The following RANBP3L variants were observed in gnomAD, a reference collection of about 807,000 sequenced individuals.
RANBP3L encodes the protein ran-binding protein 3-like.
RANBP3L carries 56 observed loss-of-function variants against 67.2 expected under a neutral mutation model. That is an observed-to-expected ratio of 0.83 (90% CI 0.67 to 1.04). The LOEUF is 1.04. Among genes scored for constraint, RANBP3L ranks in the 50% least tolerant of loss-of-function variants. RANBP3L has a pLI of 0.00. For missense variants in RANBP3L, 496 were observed against 535.5 expected (o/e 0.93, Z 0.73); for synonymous variants, 164 against 181.4 (o/e 0.90, Z 0.77).
chr5:36,289,792 T>G lies in RANBP3L; in HGVS notation c.91+11534A>C, dbSNP rs187261991. Reference sequence around the variant, plus strand: ...ATTTTTTGATAGATTTCTCAGGATTTTTCTACAAATACCATCAATCATCTG... The same window carrying G: ...ATTTTTTGATAGATTTCTCAGGATTGTTCTACAAATACCATCAATCATCTG... On this transcript the variant is annotated intron_variant, in intron 1 of 13. Transcript: ENST00000296604. 5.9e-5 allele frequency among the ~76,000 whole-genome samples: 9 copies of G among 152,196 alleles called. No individual in the cohort carries two copies. In the East Asian group the frequency reaches 1.7e-3, roughly 29 times the overall value.
intron 1 of RANBP3L, among the ~76,000 whole-genome samples, chr5:36,280,422 G>A (rs1750892472): frequency 6.6e-6 from 1 of 151,994 alleles, no homozygotes; most frequent in Non-Finnish European, 1.5e-5. Context: ...AAGAAACTGG[G>A]GATCTTCAGC....
intron 1 of RANBP3L, among the ~76,000 whole-genome samples, chr5:36,295,692 T>TC (rs1189647153): frequency 3.1e-4 from 42 of 133,416 alleles, no homozygotes; most frequent in Admixed American, 2.4e-3. Flanking sequence ...TTTTTTTTTT[T>TC]CAAATAGTAG....
At chr5:36,290,230 T>TA (rs1751627689) in intron 1 of RANBP3L, among the ~76,000 whole-genome samples, 1 of 151,170 alleles carries the variant, frequency 6.6e-6, no homozygotes, top group Non-Finnish European at 1.5e-5. Context: ...TCACCTTTTT[T>TA]TTTTTTTCTT....
At chr5:36,292,217 C>T (rs1025919895) in intron 1 of RANBP3L, among the ~76,000 whole-genome samples, 1 of 152,058 alleles carries the variant, frequency 6.6e-6, no homozygotes, top group Non-Finnish European at 1.5e-5. Flanking sequence ...AGTGTCTGTT[C>T]ATGTCCTTCA....
Position 36,260,781 on chromosome 5 carries a change from A to G in RANBP3L, c.668T>C (p.Leu223Ser). Reference protein sequence around the residue: ...VFGENMVERVLGTQKLTQPQL... With the variant: ...VFGENMVERVSGTQKLTQPQL... Reference sequence around the variant, plus strand: ...TAGAAACATATACCAAAATCTTACCAAAACTCTTTCTACCATGTTTTCTCC... The same window carrying G: ...TAGAAACATATACCAAAATCTTACCGAAACTCTTTCTACCATGTTTTCTCC... Residue 223 changes from leucine to serine, a missense_variant and splice_region_variant, in exon 8 of 14, where the codon TTG becomes TCG. Leu to Ser is a moderately radical substitution (Grantham distance 145). Transcript: ENST00000296604. The G allele has an allele frequency of 1.4e-6, 2 of 1,471,944 alleles. No homozygotes were observed. The highest frequency in any genetic ancestry group is 2.3e-5 in the East Asian group (1 of 43,944). 91.2% of individuals were successfully genotyped at this position (1,471,944 alleles called of 1,614,324 possible).
chr5:36,270,876 C>T (rs866468529), intron 2 of RANBP3L, among the ~76,000 whole-genome samples: 13 of 152,148 alleles, frequency 8.5e-5, no homozygotes, highest in Admixed American at 7.2e-4. Flanking sequence ...CAGAAGATCC[C>T]TTTTAAATCA....
rs758240383 is a variant in RANBP3L at position 36,265,055 on chromosome 5, C to T, written c.384G>A (p.Leu128=). The change falls in exon 6 of 14, where the codon TTG becomes TTA. Residue 128 remains leucine (L), a synonymous_variant. Coordinates refer to ENST00000296604, the MANE Select transcript of RANBP3L (RefSeq NM_145000.5). ...HSKHVIRPAI[L]QLPQARSCAK... ...CACAACTTCGAGCTTGAGGTAGCTGCAAAATAGCAGGTCTAATAACATGTT... is the reference window on the plus strand; with the variant it reads ...CACAACTTCGAGCTTGAGGTAGCTGTAAAATAGCAGGTCTAATAACATGTT... 1.9e-6 allele frequency: 3 copies of T among 1,612,070 alleles called. No individual in the cohort carries two copies. The highest frequency in any genetic ancestry group is 3.3e-5 in the Admixed American group (2 of 59,990).
At chr5:36,282,745 C>T (rs763357198) in intron 1 of RANBP3L, among the ~76,000 whole-genome samples, 90 of 152,250 alleles carry the variant, frequency 5.9e-4, no homozygotes, top group Non-Finnish European at 1.1e-3. Flanking sequence ...ATCCAAAGCC[C>T]GACTAGCCCA....
chr5:36,301,453 G>C lies in RANBP3L; in HGVS notation c.-37C>G, dbSNP rs1217634375. 3 of 1,525,692 alleles carry C rather than the reference G, an allele frequency of 2.0e-6. No homozygotes were observed. The Admixed American group carries it at 5.0e-5, about 26-fold the overall frequency. 94.5% of individuals were successfully genotyped at this position (1,525,692 alleles called of 1,614,324 possible). A position where few individuals can be genotyped will look rare whatever the true frequency, so the allele number is the denominator to read the frequency against. On this transcript the variant is annotated 5_prime_UTR_variant, in exon 1 of 14. Coordinates refer to ENST00000296604, the MANE Select transcript of RANBP3L (RefSeq NM_145000.5). ...TATGGCTGTGACTCAAGGATCACTA[G>C]GGCACCTCCTTCTCTGGCCAGTCAC...
chr5:36,261,958 A>C lies in RANBP3L; in HGVS notation c.565T>G (p.Leu189Val). Residue 189 changes from leucine to valine, a missense_variant, in exon 7 of 14, where the codon TTA becomes GTA. By Grantham distance (32) the Leu-to-Val change is conservative. Transcript: ENST00000296604. ...SVQLSTNQDF[L>V]GATSVGCQPN... The stretch of plus-strand genomic sequence containing the variant: ...ACTTACCCTACTGATGTTGCACCTA[A>C]AAAGTCCTGGTTAGTAGACAGCTGG... 6.3e-7 allele frequency: 1 copy of C among 1,580,646 alleles called. No homozygotes were observed. The highest frequency in any genetic ancestry group is 8.7e-7 in the Non-Finnish European group (1 of 1,152,656).
chr5:36,267,020 G>T (rs1341921131), intron 4 of RANBP3L, among the ~76,000 whole-genome samples: 1 of 152,178 alleles, frequency 6.6e-6, no homozygotes, highest in Non-Finnish European at 1.5e-5. Flanking sequence ...GCCTCTCAAA[G>T]TGCTGATATT....
At chr5:36,255,666 G>A (rs970713743) in intron 10 of RANBP3L, 76 bp from the exon 11 acceptor site, 19 of 925,678 alleles carry the variant, frequency 2.1e-5, no homozygotes, top group East Asian at 5.4e-5. Context: ...GTTATGACAC[G>A]TTTATATGTG....
rs1486852879 is a variant in RANBP3L, at chr5:36,301,347, G to A, written c.70C>T (p.Gln24Ter). Reference protein sequence around the residue: ...GSLHTCKLKLQEDRRQQEKSV... With the variant: ...GSLHTCKLKL ...TCACCTTGCTGTCGCCGGTCCTCCT[G>A]CAGCTTCAGTTTACAGGTGTGCAAA... is the stretch of plus-strand genomic sequence containing the variant. Residue 24 changes from glutamine (Q) to a stop codon, truncating the protein, a stop_gained, in exon 1 of 14, where the codon CAG becomes TAG. Coordinates refer to ENST00000296604, the MANE Select transcript of RANBP3L (RefSeq NM_145000.5). LOFTEE classifies it high-confidence loss of function. 4 of 1,613,528 alleles carry A rather than the reference G, an allele frequency of 2.5e-6. 1 individual carries two copies. In the Admixed American group the frequency reaches 6.7e-5, roughly 27 times the overall value.
intron 6 of RANBP3L, among the ~76,000 whole-genome samples, chr5:36,264,254 A>C (rs913946533): frequency 1.3e-5 from 2 of 152,230 alleles, no homozygotes; most frequent in Non-Finnish European, 2.9e-5. Flanking sequence ...GTTCAGCTGG[A>C]AACAAATGGC....
chr5:36,270,255 T>C (rs920153862), intron 2 of RANBP3L, among the ~76,000 whole-genome samples: 1 of 152,212 alleles, frequency 6.6e-6, no homozygotes, highest in African/African-American at 2.4e-5. Context: ...AGTGGTTTTA[T>C]AGTTCAATGG....
At chr5:36,257,584 T>C (rs1212670900) in intron 8 of RANBP3L, 28 bp from the exon 9 acceptor site, 4 of 1,040,238 alleles carry the variant, frequency 3.8e-6, no homozygotes, top group East Asian at 2.6e-5. Flanking sequence ...TGCATTATTT[T>C]ATTTAATAAA....
Position 36,265,073 on chromosome 5 carries a change from A to T in RANBP3L, c.366T>A (p.Val122=). The part of the protein sequence containing the change: ...EQGPVKHSKH[V]IRPAILQLPQ... ...GTAGCTGCAAAATAGCAGGTCTAAT[A>T]ACATGTTTAGAATGTTTCACAGGAC... The change falls in exon 6 of 14, where the codon GTT becomes GTA. Residue 122 remains valine, a synonymous_variant. Transcript: ENST00000296604. 1 of 1,609,810 alleles carries T rather than the reference A, an allele frequency of 6.2e-7. No homozygotes were observed. Among genetic ancestry groups the T allele is most frequent in the South Asian group, 1.1e-5 (1 of 90,776 alleles).
chr5:36,271,724 A>G (rs1409630252), intron 1 of RANBP3L, among the ~76,000 whole-genome samples: 1 of 152,198 alleles, frequency 6.6e-6, no homozygotes, highest in Non-Finnish European at 1.5e-5. Context: ...GGTAGAAATG[A>G]TATGTATGCA....
chr5:36,295,673 GT>G (rs11318481), intron 1 of RANBP3L, among the ~76,000 whole-genome samples: 65,244 of 120,302 alleles, frequency 0.54, 16,998 homozygotes, highest in Middle Eastern at 0.65. Context: ...GTTATATCCT[GT>G]TTTTTTTTTT....
Sources: allele counts gnomAD v4.1 joint callset (sites outside exome capture counted in the v4.1 genomes callset), GRCh38; gene constraint gnomAD v4.1.1; transcripts MANE v1.5; gene names NCBI Gene and HGNC (gene_info 2026-07-23, HGNC 2026-07-21).